HSPA12B: variants seen among roughly 807,000 people sequenced by gnomAD.
HSPA12B encodes the protein heat shock protein family A (Hsp70) member 12B, also known as heat shock 70 kDa protein 12B.
HSPA12B carries 54 observed loss-of-function variants against 69.3 expected under a neutral mutation model. The observed-to-expected ratio is 0.78, with a 90% CI of 0.63 to 0.98. HSPA12B has a LOEUF of 0.98. HSPA12B is among the 50% of genes least tolerant of loss of function. The probability of loss-of-function intolerance (pLI) is 0.00; values close to 1 mark genes in which losing one functional copy is unlikely to be tolerated. For missense variants in HSPA12B, 929 were observed against 999.8 expected, an observed-to-expected ratio of 0.93 and a Z score of 0.96; for synonymous variants, 441 against 436.5, an observed-to-expected ratio of 1.01 and a Z score of -0.13.
At position 3,752,751 on chromosome 20, in the gene HSPA12B, G is replaced by A. The variant is rs963000673; in HGVS notation, c.*585G>A. ...ACTGTGAATTGTGGAAAGGGCAGTA[G>A]ATCTCTAATGTGGAGGTGGGAACAT... On this transcript the variant is annotated 3_prime_UTR_variant, in exon 13 of 13. Coordinates refer to ENST00000254963, the MANE Select transcript of HSPA12B (RefSeq NM_052970.5). 4 of 153,998 alleles carry A rather than the reference G, an allele frequency of 2.6e-5. No individual in the cohort carries two copies. The highest frequency in any genetic ancestry group is 1.3e-4 in the Admixed American group (2 of 15,296). The allele number at this position is 153,998 out of a possible 1,614,324, so 9.5% of individuals were successfully genotyped here.
At chr20:3,746,078 G>A (rs1317190361) in intron 7 of HSPA12B, 47 bp downstream of exon 7, 4 of 1,435,742 alleles carry the variant, frequency 2.8e-6, no homozygotes, top group South Asian at 1.2e-5. Flanking sequence ...GGAAGGGCCA[G>A]GCCTGTCCCC....
At chr20:3,738,041 C>A (rs945833078) in intron 1 of HSPA12B, among the ~76,000 whole-genome samples, 1 of 152,148 alleles carries the variant, frequency 6.6e-6, no homozygotes. Context: ...GCCCCCACCC[C>A]ACCCTGCCAC....
At position 3,745,343 on chromosome 20, in the gene HSPA12B, G is replaced by A. The variant is rs778039319; in HGVS notation, c.454-150G>A. 6.0e-6 allele frequency: 4 copies of A among 671,536 alleles called. No individual in the cohort carries two copies. Among genetic ancestry groups the A allele is most frequent in the Non-Finnish European group, 1.1e-5 (4 of 379,604 alleles). 41.6% of individuals were successfully genotyped at this position (671,536 alleles called of 1,614,324 possible). The stretch of plus-strand genomic sequence containing the variant: ...AGGGGTGGGGCTAAGGAGAGGGGTC[G>A]GGGCAGAGCTAATGTCACATGGGGC... On this transcript the variant is annotated intron_variant, in intron 5 of 12. Coordinates refer to ENST00000254963, the MANE Select transcript of HSPA12B (RefSeq NM_052970.5). The surrounding 1 kb of genome is among the most constrained non-coding windows in gnomAD (Gnocchi z 5.6).
Position 3,750,921 on chromosome 20 carries a change from C to T in HSPA12B, c.1405+14C>T, listed in dbSNP as rs750449357. 10 of 1,609,848 alleles carry T rather than the reference C, an allele frequency of 6.2e-6. No homozygotes were observed. The African/African-American group carries it at 9.4e-5, about 15-fold the overall frequency. On this transcript the variant is annotated intron_variant, in intron 12 of 12. Coordinates refer to ENST00000254963, the MANE Select transcript of HSPA12B (RefSeq NM_052970.5). ...TCCAGCACATAGGTGAGCACCTGAG[C>T]TTGGTCCCCCACCCGCCCCTACATG...
In HSPA12B at chr20:3,749,687, A is replaced by G; in HGVS notation, c.938-63A>G. 1 of 1,220,978 alleles carries G rather than the reference A, an allele frequency of 8.2e-7. No individual in the cohort carries two copies. Among genetic ancestry groups the G allele is most frequent in the Non-Finnish European group, 1.1e-6 (1 of 875,944 alleles). 75.6% of individuals were successfully genotyped at this position (1,220,978 alleles called of 1,614,324 possible). ...AGGGCTGGAGGCTGGGCGAGGCTGG[A>G]GGGGGCGCAGGGCTGAGGGTGCGAG... On this transcript the variant is annotated intron_variant, in intron 9 of 12. Coordinates refer to ENST00000254963, the MANE Select transcript of HSPA12B (RefSeq NM_052970.5). The surrounding 1 kb of genome is among the most constrained non-coding windows in gnomAD (Gnocchi z 5.5).
intron 1 of HSPA12B, among the ~76,000 whole-genome samples, chr20:3,735,898 C>T (rs1407935539): frequency 6.6e-6 from 1 of 152,122 alleles, no homozygotes; most frequent in Admixed American, 6.5e-5. Context: ...TGAAGAATCT[C>T]GATAAGTGTT....
rs73080465 is a variant in HSPA12B, at chr20:3,745,877, C to T, written c.559-38C>T. 2,112 of 1,573,230 alleles carry T rather than the reference C, an allele frequency of 1.3e-3. 4 individuals carry two copies. Among genetic ancestry groups the T allele is most frequent in the Non-Finnish European group, 1.7e-3 (1,971 of 1,142,732 alleles). The stretch of plus-strand genomic sequence containing the variant: ...AGAGGGCTGAAGACCACCCTCCCTC[C>T]AAGCCAGCTTTCCTCTCACTGCCCC... On this transcript the variant is annotated intron_variant, in intron 6 of 12. Coordinates refer to ENST00000254963, the MANE Select transcript of HSPA12B (RefSeq NM_052970.5). The surrounding 1 kb of genome is among the most constrained non-coding windows in gnomAD (Gnocchi z 5.6).
rs145359439 is a variant in HSPA12B, at chr20:3,744,986, C to T, written c.351C>T (p.Ser117=). 2,278 of 1,613,932 alleles carry T rather than the reference C, an allele frequency of 1.4e-3. 3 individuals are homozygous for T. Among genetic ancestry groups the T allele is most frequent in the Non-Finnish European group, 1.8e-3 (2,079 of 1,180,032 alleles). The change falls in exon 5 of 13, where the codon AGC becomes AGT. Residue 117 remains serine (S), a synonymous_variant. Transcript: ENST00000254963. This position sits in a 1 kb window ranked among gnomAD's most constrained non-coding sequence, Gnocchi z 4.9. The part of the protein sequence containing the change: ...LLLTPEGAFH[S]FGYTARDYYH... Reference sequence around the variant, plus strand: ...TGACTCCGGAGGGCGCCTTCCACAGCTTTGGCTACACCGCCCGCGATTACT... The same window carrying T: ...TGACTCCGGAGGGCGCCTTCCACAGTTTTGGCTACACCGCCCGCGATTACT...
chr20:3,734,614 C>T (rs994224823), intron 1 of HSPA12B, among the ~76,000 whole-genome samples: 1 of 152,144 alleles, frequency 6.6e-6, no homozygotes, highest in Non-Finnish European at 1.5e-5. Flanking sequence ...GGGCTTGTCC[C>T]GTGTTCTGTG....
Position 3,740,465 on chromosome 20 carries a change from A to G in HSPA12B, c.44-350A>G, listed in dbSNP as rs2088180688. ...TCCCTCCCAGGAGCTCACCTGCCCTATCTCCCCTGCCCTTCCATCTCTGGA... is the reference window on the plus strand; with the variant it reads ...TCCCTCCCAGGAGCTCACCTGCCCTGTCTCCCCTGCCCTTCCATCTCTGGA... On this transcript the variant is annotated intron_variant, in intron 2 of 12. Coordinates refer to ENST00000254963, the MANE Select transcript of HSPA12B (RefSeq NM_052970.5). The surrounding 1 kb of genome is among the most constrained non-coding windows in gnomAD (Gnocchi z 4.9). 6.6e-6 allele frequency among the ~76,000 whole-genome samples: 1 copy of G among 151,858 alleles called. No individual in the cohort carries two copies. The highest frequency in any genetic ancestry group is 1.5e-5 in the Non-Finnish European group (1 of 67,926).
intron 4 of HSPA12B, among the ~76,000 whole-genome samples, chr20:3,742,732 C>G (rs1490298985): frequency 2.7e-5 from 4 of 149,068 alleles, no homozygotes; most frequent in Non-Finnish European, 5.9e-5. Context: ...GAGTCTCACT[C>G]TGTCGCCTAG....
At chr20:3,736,004 C>G (rs1454786543) in intron 1 of HSPA12B, among the ~76,000 whole-genome samples, 5 of 152,210 alleles carry the variant, frequency 3.3e-5, no homozygotes, top group Non-Finnish European at 5.9e-5. Context: ...CCAATCAGCT[C>G]TGGAAGAAGG....
At chr20:3,746,057 A>G (rs894519071) in intron 7 of HSPA12B, 26 bp downstream of exon 7, 4 of 1,566,000 alleles carry the variant, frequency 2.6e-6, no homozygotes, top group Admixed American at 3.3e-5. Flanking sequence ...CGGGCCCGAG[A>G]ACACTGCTCA....
rs1176074823 is a variant in HSPA12B, at chr20:3,742,392, G to A, written c.250G>A (p.Ala84Thr). 1 of 1,612,932 alleles carries A rather than the reference G, an allele frequency of 6.2e-7. No individual in the cohort carries two copies. Among genetic ancestry groups the A allele is most frequent in the African/African-American group, 1.3e-5 (1 of 75,048 alleles). The stretch of plus-strand genomic sequence containing the variant: ...TTTCAGCTTTGCCAGTGACCCTGAG[G>A]CCATCCACATGATGAGGTGAGGTCG... ...YAFSFASDPE[A>T]IHMMRKWEGG... Residue 84 changes from alanine to threonine, a missense_variant, in exon 4 of 13, where the codon GCC becomes ACC. Ala to Thr is a moderately conservative substitution (Grantham distance 58). Around this residue, in one of 3 missense-constraint regions of HSPA12B, gnomAD observed 477 missense variants for 535.2 expected, o/e 0.89. Transcript: ENST00000254963.
Position 3,750,926 on chromosome 20 carries a change from T to A in HSPA12B, c.1405+19T>A, listed in dbSNP as rs756385717. The A allele has an allele frequency of 6.2e-7, 1 of 1,603,610 alleles. No homozygotes were observed. The highest frequency in any genetic ancestry group is 1.7e-5 in the Admixed American group (1 of 59,942). ...CACATAGGTGAGCACCTGAGCTTGG[T>A]CCCCCACCCGCCCCTACATGAACAA... On this transcript the variant is annotated intron_variant, in intron 12 of 12. Transcript: ENST00000254963.
intron 1 of HSPA12B, among the ~76,000 whole-genome samples, 174 bp from the exon 2 acceptor site, chr20:3,738,484 C>T (rs942376739): frequency 3.3e-5 from 5 of 152,222 alleles, no homozygotes; most frequent in South Asian, 4.1e-4. Context: ...TTGTTTAAAA[C>T]GTCTTTATCT....
intron 1 of HSPA12B, among the ~76,000 whole-genome samples, chr20:3,733,445 G>T (rs1483002718): frequency 6.6e-6 from 1 of 152,178 alleles, no homozygotes; most frequent in Non-Finnish European, 1.5e-5. Flanking sequence ...GAGGGGTAAT[G>T]GGGGGCTGTG....
chr20:3,748,359 A>G lies in HSPA12B; in HGVS notation c.818A>G (p.Glu273Gly), dbSNP rs1243506986. The G allele has an allele frequency of 6.2e-7, 1 of 1,605,792 alleles. No homozygotes were observed. Among genetic ancestry groups the G allele is most frequent in the Non-Finnish European group, 8.5e-7 (1 of 1,176,432 alleles). The part of the protein sequence containing the change: ...GRAPGGGRLG[E>G]RRSIDSSFRQ... Reference sequence around the variant, plus strand: ...GCCCCAGGTGGTGGGCGCCTGGGTGAGCGCCGCTCCATCGACTCCAGCTTC... The same window carrying G: ...GCCCCAGGTGGTGGGCGCCTGGGTGGGCGCCGCTCCATCGACTCCAGCTTC... The change falls in exon 8 of 13, where the codon GAG (glutamate) becomes GGG (glycine). Residue 273 changes from glutamate (E) to glycine (G), a missense_variant. Physicochemically the swap from Glu to Gly is moderately conservative, Grantham distance 98 (BLOSUM62 -2). Transcript: ENST00000254963.
rs2088132552 is a variant in HSPA12B, at chr20:3,737,822, G to A, written c.-17-836G>A. Among the ~76,000 whole-genome samples, 1 of 152,160 alleles carries A rather than the reference G, an allele frequency of 6.6e-6. No homozygotes were observed. The highest frequency in any genetic ancestry group is 2.4e-5 in the African/African-American group (1 of 41,418). ...GTTCGAGAACAGCCTGGCCAACACG[G>A]CGAAACCCCGTCTCTACTAAAAATA... On this transcript the variant is annotated intron_variant, in intron 1 of 12. Transcript: ENST00000254963. This position sits in a 1 kb window ranked among gnomAD's most constrained non-coding sequence, Gnocchi z 4.1.
Sources: gnomAD v4.1 joint callset for allele counts (sites outside exome capture counted in the v4.1 genomes callset) on GRCh38, gnomAD v4.1.1 for gene constraint, gnomAD v4.1.1 regional missense constraint, Gnocchi (gnomAD v3.1) non-coding constraint, MANE v1.5 for transcripts, NCBI Gene and HGNC (gene_info 2026-07-23, HGNC 2026-07-21) for gene names.